Variants in CLNK observed in about 807,000 individuals in gnomAD.
The protein encoded by CLNK is cytokine-dependent hematopoietic cell linker.
A neutral mutation model predicts 68.6 loss-of-function variants in CLNK; 74 were observed. The observed-to-expected ratio is 1.08, with a 90% confidence interval of 0.89 to 1.31. The LOEUF (loss-of-function observed/expected upper bound fraction) is 1.31. Among genes scored for constraint, CLNK ranks in the 50% most tolerant of loss-of-function variants. The pLI, the probability that CLNK is intolerant of heterozygous loss-of-function variation, is 0.00. For synonymous variants in CLNK, 198 were observed against 172.2 expected, an observed-to-expected ratio of 1.15 and a Z score of -1.17; for missense variants, 553 against 515.3, an observed-to-expected ratio of 1.07 and a Z score of -0.71.
the CLNK span, among the ~76,000 whole-genome samples, chr4:10,694,700 G>C: frequency 1.3e-5 from 2 of 152,066 alleles, no homozygotes; most frequent in Non-Finnish European, 2.9e-5. Context: ...GAACTCACCC[G>C]AGTCACTTAG....
At chr4:10,574,249 C>G (rs569646206) in intron 4 of CLNK, among the ~76,000 whole-genome samples, 2 of 152,314 alleles carry the variant, frequency 1.3e-5, no homozygotes, top group African/African-American at 4.8e-5. Flanking sequence ...CCACCCTGCT[C>G]TCTGACCTCA....
chr4:10,517,130 TGAAAA>T (rs1717870832), intron 15 of CLNK, among the ~76,000 whole-genome samples: 1 of 152,148 alleles, frequency 6.6e-6, no homozygotes, highest in Admixed American at 6.5e-5. Context: ...TTGTATTGTT[TGAAAA>T]GAAAATATGA....
chr4:10,622,750 C>A (rs896688659), intron 2 of CLNK, among the ~76,000 whole-genome samples: 1 of 152,098 alleles, frequency 6.6e-6, no homozygotes, highest in Non-Finnish European at 1.5e-5. Flanking sequence ...CTGCTATAAC[C>A]GAATAGCATG....
intron 18 of CLNK, among the ~76,000 whole-genome samples, chr4:10,491,723 A>G (rs1053069585): frequency 1.3e-5 from 2 of 152,192 alleles, no homozygotes; most frequent in Non-Finnish European, 2.9e-5. Flanking sequence ...AATGTACAGG[A>G]CCATGCATAA....
At chr4:10,610,061 T>C (rs1297279541) in intron 2 of CLNK, among the ~76,000 whole-genome samples, 1 of 31,270 alleles carries the variant, frequency 3.2e-5, no homozygotes, top group Non-Finnish European at 6.7e-5. Flanking sequence ...TTTTTTTTTT[T>C]TTTTTTTTTT....
At chr4:10,534,577 A>C (rs1334749720) in intron 11 of CLNK, among the ~76,000 whole-genome samples, 2 of 152,240 alleles carry the variant, frequency 1.3e-5, no homozygotes, top group Admixed American at 1.3e-4. Context: ...TGTAAAACTG[A>C]TAAATCTAGA....
the CLNK span, among the ~76,000 whole-genome samples, chr4:10,729,726 T>C: frequency 6.6e-6 from 1 of 152,232 alleles, no homozygotes; most frequent in Non-Finnish European, 1.5e-5. Flanking sequence ...CTTAAACCTC[T>C]ATACTGTAAG....
chr4:10,579,664 G>C (rs936064829), intron 4 of CLNK, among the ~76,000 whole-genome samples: 4 of 152,160 alleles, frequency 2.6e-5, no homozygotes, highest in Non-Finnish European at 5.9e-5. Context: ...TGGGCTCTTA[G>C]AGCCAGCTAG....
intron 1 of CLNK, among the ~76,000 whole-genome samples, chr4:10,673,593 G>T (rs574435397): frequency 6.6e-6 from 1 of 151,044 alleles, no homozygotes; most frequent in South Asian, 2.1e-4. Context: ...CTGCATGTCC[G>T]CACTCACAGG....
chr4:10,507,151 G>T (rs1464222992), intron 17 of CLNK, among the ~76,000 whole-genome samples: 1 of 151,350 alleles, frequency 6.6e-6, no homozygotes, highest in African/African-American at 2.4e-5. Context: ...TTGCTCTGTG[G>T]CCCAGGCTGG....
At chr4:10,649,961 T>G (rs1449621950) in intron 2 of CLNK, among the ~76,000 whole-genome samples, 1 of 152,140 alleles carries the variant, frequency 6.6e-6, no homozygotes, top group African/African-American at 2.4e-5. Flanking sequence ...CTGTTCAGTC[T>G]AGATATTAAA....
intron 7 of CLNK, among the ~76,000 whole-genome samples, chr4:10,560,727 A>G (rs919911886): frequency 4.6e-5 from 7 of 152,170 alleles, no homozygotes; most frequent in African/African-American, 1.7e-4. Flanking sequence ...TACAAGTGTG[A>G]GCCATCACAC....
At chr4:10,635,933 G>C (rs989656689) in intron 2 of CLNK, 5 of 152,336 alleles carry the variant, frequency 3.3e-5, no homozygotes, top group Non-Finnish European at 1.5e-5. Context: ...TGCATAAGAC[G>C]CGTTCTCTGC....
chr4:10,522,257 CAA>C (rs5856060), intron 14 of CLNK, among the ~76,000 whole-genome samples: 63,430 of 120,566 alleles, frequency 0.53, 16,014 homozygotes, highest in African/African-American at 0.62. Flanking sequence ...GACTCTGTCT[CAA>C]AAAAAAAAAA....
At chr4:10,597,906 G>T in intron 3 of CLNK, 72 bp downstream of exon 3, 1 of 1,045,708 alleles carries the variant, frequency 9.6e-7, no homozygotes, top group Non-Finnish European at 1.4e-6. Context: ...TTTCGTGTTT[G>T]TGATGGTCAG....
At chr4:10,648,002 G>A (rs560812574) in intron 2 of CLNK, among the ~76,000 whole-genome samples, 1 of 152,014 alleles carries the variant, frequency 6.6e-6, no homozygotes, top group African/African-American at 2.4e-5. Context: ...CTCATCTCTG[G>A]ACACTAACAG....
chr4:10,563,536 A>C (rs1719978236), intron 7 of CLNK, among the ~76,000 whole-genome samples: 1 of 152,200 alleles, frequency 6.6e-6, no homozygotes, highest in African/African-American at 2.4e-5. Context: ...TTATACCAGA[A>C]TTTAATGTGA....
intron 2 of CLNK, 73 bp from the exon 3 acceptor site, chr4:10,598,122 A>G: frequency 9.9e-7 from 1 of 1,013,964 alleles, no homozygotes; most frequent in Non-Finnish European, 1.5e-6. Flanking sequence ...AAGTGCATTC[A>G]TTCATAGAAA....
chr4:10,530,965 A>T (rs145049458), intron 12 of CLNK, among the ~76,000 whole-genome samples: 44 of 152,318 alleles, frequency 2.9e-4, no homozygotes, highest in African/African-American at 1.0e-3. Flanking sequence ...CTTTCTTGGC[A>T]CGATTGTCTT....
Sources: gnomAD v4.1 joint callset for allele counts (sites outside exome capture counted in the v4.1 genomes callset) on GRCh38, gnomAD v4.1.1 for gene constraint, MANE v1.5 for transcripts, NCBI Gene and HGNC (gene_info 2026-07-23, HGNC 2026-07-21) for gene names.